C5AR1: variants seen among roughly 807,000 people sequenced by gnomAD.
C5AR1 encodes the protein C5a anaphylatoxin chemotactic receptor 1.
In C5AR1, 4 loss-of-function variants were observed where a neutral mutation model predicts 2.4. The observed-to-expected ratio is 1.65, with a 90% CI of 0.81 to 3.77. The LOEUF (loss-of-function observed/expected upper bound fraction) is 3.77, where lower values mean the gene tolerates loss of function less well. Ranked by LOEUF, C5AR1 falls within the 30% of genes most tolerant of loss-of-function variation. The pLI is 0.01. For synonymous variants in C5AR1, 209 were observed against 210.4 expected, an observed-to-expected ratio of 0.99 and a Z score of 0.06; for missense variants, 418 against 462.5, an observed-to-expected ratio of 0.90 and a Z score of 0.88.
At chr19:47,313,274 C>T (rs1244240627) in intron 1 of C5AR1, among the ~76,000 whole-genome samples, 6 of 152,036 alleles carry the variant, frequency 3.9e-5, no homozygotes, top group East Asian at 1.9e-4. Context: ...CCGCGCCTGG[C>T]GTCCAGCCAC....
At chr19:47,317,326 G>A (rs895792391) in intron 1 of C5AR1, among the ~76,000 whole-genome samples, 1 of 151,662 alleles carries the variant, frequency 6.6e-6, no homozygotes, top group Non-Finnish European at 1.5e-5. Context: ...GGGCAATACA[G>A]TGAGACCCTC....
chr19:47,318,442 C>T (rs563034613), intron 1 of C5AR1, among the ~76,000 whole-genome samples: 39 of 151,950 alleles, frequency 2.6e-4, no homozygotes, highest in South Asian at 1.7e-3. Flanking sequence ...TACAGGTGCC[C>T]GCCACCACGC....
intron 1 of C5AR1, among the ~76,000 whole-genome samples, chr19:47,316,871 G>A (rs2059290853): frequency 6.7e-6 from 1 of 150,062 alleles, no homozygotes; most frequent in Non-Finnish European, 1.5e-5. Flanking sequence ...CAATGTAAGG[G>A]AACTAGAAAA....
chr19:47,315,396 C>T (rs1163341035), intron 1 of C5AR1, among the ~76,000 whole-genome samples: 1 of 152,086 alleles, frequency 6.6e-6, no homozygotes, highest in Non-Finnish European at 1.5e-5. Context: ...CTGAAGTCAA[C>T]CAGAGGAAAG....
At chr19:47,317,027 G>GA (rs1001934210) in intron 1 of C5AR1, among the ~76,000 whole-genome samples, 3 of 144,550 alleles carry the variant, frequency 2.1e-5, no homozygotes, top group South Asian at 2.2e-4. Context: ...AAAAAAAAAA[G>GA]AAAAAAAATA....
At chr19:47,316,877 GA>G (rs869148486) in intron 1 of C5AR1, among the ~76,000 whole-genome samples, 23 of 141,626 alleles carry the variant, frequency 1.6e-4, no homozygotes, top group South Asian at 2.3e-4. Context: ...AAGGGAACTA[GA>G]AAAAAAAAAA....
intron 1 of C5AR1, among the ~76,000 whole-genome samples, chr19:47,313,347 A>T (rs1396946359): frequency 1.3e-5 from 2 of 151,716 alleles, no homozygotes; most frequent in Non-Finnish European, 2.9e-5. Flanking sequence ...AGCCATGCTG[A>T]CCTTTCGTTT....
chr19:47,308,557 C>CTTTTTTTTTTTTTTTTT (rs58683135), upstream of C5AR1, among the ~76,000 whole-genome samples: 1 of 143,532 alleles, frequency 7.0e-6, no homozygotes, highest in Non-Finnish European at 1.5e-5. Context: ...TTTTTCTTTT[C>CTTTTTTTTTTTTTTTTT]TTTTTTTTTT....
intron 1 of C5AR1, among the ~76,000 whole-genome samples, chr19:47,316,033 T>C (rs1432000751): frequency 6.6e-6 from 1 of 150,420 alleles, no homozygotes; most frequent in Non-Finnish European, 1.5e-5. Context: ...TTAGACAGAG[T>C]CTTGTTCTGT....
rs2059311979 is a variant in C5AR1, at chr19:47,321,880, A to G, written c.*1050A>G. ...CACCACAGGGATCCCCAGGATGCCC[A>G]CTTCCCTCCACCCCCACACCCCAGC... On this transcript the variant is annotated 3_prime_UTR_variant, in exon 2 of 2. Transcript: ENST00000355085. The G allele has an allele frequency of 6.6e-6, 1 of 152,068 alleles. No individual in the cohort carries two copies. Among genetic ancestry groups the G allele is most frequent in the African/African-American group, 2.4e-5 (1 of 41,390 alleles). 9.4% of individuals were successfully genotyped at this position (152,068 alleles called of 1,614,324 possible).
At chr19:47,317,045 T>C (rs1470598924) in intron 1 of C5AR1, among the ~76,000 whole-genome samples, 1 of 148,394 alleles carries the variant, frequency 6.7e-6, no homozygotes, top group Non-Finnish European at 1.5e-5. Context: ...ATACAAAAAT[T>C]AGCTGGGTGT....
rs1395703308 is a variant in C5AR1 at position 47,320,937 on chromosome 19, A to C, written c.*107A>C. 2.2e-6 allele frequency: 2 copies of C among 926,646 alleles called. No individual in the cohort carries two copies. Among genetic ancestry groups the C allele is most frequent in the African/African-American group, 1.7e-5 (1 of 60,014 alleles). The allele number at this position is 926,646 out of a possible 1,614,324, so 57.4% of individuals were successfully genotyped here. A position where few individuals can be genotyped will look rare whatever the true frequency, so the allele number is the denominator to read the frequency against. On this transcript the variant is annotated 3_prime_UTR_variant, in exon 2 of 2. Coordinates refer to ENST00000355085, the MANE Select transcript of C5AR1 (RefSeq NM_001736.4). This position sits in a 1 kb window ranked among gnomAD's most constrained non-coding sequence, Gnocchi z 4.9. ...TGGGATGGTGTTACCTTAGCTAACT[A>C]ACTCTCCTCCATGTTGCCTGTCTTT...
chr19:47,311,175 T>A (rs1324674155), intron 1 of C5AR1, among the ~76,000 whole-genome samples: 1 of 152,034 alleles, frequency 6.6e-6, no homozygotes, highest in Non-Finnish European at 1.5e-5. Flanking sequence ...TTTTTTTTTT[T>A]CTTTCCAAAA....
rs200454318 is a variant in C5AR1, at chr19:47,320,469, G to T, written c.692G>T (p.Ser231Ile). 6.2e-7 allele frequency: 1 copy of T among 1,613,376 alleles called. No homozygotes were observed. Residue 231 changes from serine to isoleucine, a missense_variant, in exon 2 of 2, where the codon AGC becomes ATC. Transcript: ENST00000355085. The surrounding 1 kb of genome is among the most constrained non-coding windows in gnomAD (Gnocchi z 4.9). Reference protein sequence around the residue: ...CYTFILLRTWSRRATRSTKTL... With the variant: ...CYTFILLRTWIRRATRSTKTL... ...ACTTTCATCCTGCTCCGGACGTGGA[G>T]CCGCAGGGCCACGCGGTCCACCAAG... is the stretch of plus-strand genomic sequence containing the variant.
At chr19:47,309,733 C>G (rs564762664), upstream of C5AR1, 140 of 608,972 alleles carry the variant, frequency 2.3e-4, 1 homozygote, top group African/African-American at 2.1e-3. Context: ...GGGTGTGTGC[C>G]CCGCAGAGGG....
intron 1 of C5AR1, 39 bp downstream of exon 1, chr19:47,309,937 C>T (rs1431786578): frequency 1.9e-6 from 3 of 1,606,628 alleles, no homozygotes; most frequent in Admixed American, 3.4e-5. Flanking sequence ...AAACTTTGTC[C>T]TGGGTCCCTC....
Position 47,321,154 on chromosome 19 carries a change from CAGGG to C in C5AR1, c.*326_*329del, listed in dbSNP as rs1012688796. ...ATTTCCATATGGCAATAGGTGTGAA[CAGGG>C]AACTCAGAATACAGACAAGTAGAAA... On this transcript the variant is annotated 3_prime_UTR_variant, in exon 2 of 2. Coordinates refer to ENST00000355085, the MANE Select transcript of C5AR1 (RefSeq NM_001736.4). 3 of 175,514 alleles carry C rather than the reference CAGGG, an allele frequency of 1.7e-5. No homozygotes were observed. The highest frequency in any genetic ancestry group is 3.5e-5 in the Non-Finnish European group (3 of 85,772). The allele number at this position is 175,514 out of a possible 1,614,324, so 10.9% of individuals were successfully genotyped here.
At position 47,320,460 on chromosome 19, in the gene C5AR1, G is replaced by A. The variant is rs916815948; in HGVS notation, c.683G>A (p.Arg228Gln). ...LTICYTFILL[R>Q]TWSRRATRST... The stretch of plus-strand genomic sequence containing the variant: ...ATTTGTTACACTTTCATCCTGCTCC[G>A]GACGTGGAGCCGCAGGGCCACGCGG... The change falls in exon 2 of 2, where the codon CGG (arginine) becomes CAG (glutamine). Residue 228 changes from arginine (R) to glutamine (Q), a missense_variant. Arg to Gln is a conservative substitution (Grantham distance 43). Transcript: ENST00000355085. The surrounding 1 kb of genome is among the most constrained non-coding windows in gnomAD (Gnocchi z 4.9). 14 of 1,612,962 alleles carry A rather than the reference G, an allele frequency of 8.7e-6. No homozygotes were observed. Among genetic ancestry groups the A allele is most frequent in the Middle Eastern group, 1.6e-4 (1 of 6,062 alleles).
intron 1 of C5AR1, among the ~76,000 whole-genome samples, chr19:47,313,212 G>A (rs2059276185): frequency 6.6e-6 from 1 of 151,774 alleles, no homozygotes; most frequent in Non-Finnish European, 1.5e-5. Context: ...TCCTGACCTC[G>A]TGATCCACCC....
Sources: gnomAD v4.1 joint callset for allele counts (sites outside exome capture counted in the v4.1 genomes callset) on GRCh38, gnomAD v4.1.1 for gene constraint, Gnocchi (gnomAD v3.1) non-coding constraint, MANE v1.5 for transcripts, NCBI Gene and HGNC (gene_info 2026-07-23, HGNC 2026-07-21) for gene names.